GALNT13: variants seen among roughly 807,000 people sequenced by gnomAD.
GALNT13 encodes the protein UDP-GalNAc:polypeptide N-acetylgalactosaminyltransferase 13.
GALNT13 carries 28 observed loss-of-function variants against 64.2 expected under a neutral mutation model. The ratio of observed to expected loss-of-function variants is 0.44; its 90% CI spans 0.32 to 0.60. The LOEUF is 0.60. Among genes scored for constraint, GALNT13 ranks in the 20% least tolerant of loss-of-function variants. GALNT13 has a pLI of 0.05. For missense variants in GALNT13, 577 were observed against 669.8 expected (o/e 0.86, Z 1.53); for synonymous variants, 214 against 224.6 (o/e 0.95, Z 0.42).
rs554278809 is a variant in GALNT13, at chr2:153,936,918, T to C, written c.-104-7476T>C. Among the ~76,000 whole-genome samples the C allele has an allele frequency of 9.2e-5, 14 of 152,068 alleles. No individual in the cohort carries two copies. In the South Asian group the frequency reaches 2.3e-3, roughly 25 times the overall value. On this transcript the variant is annotated intron_variant, in intron 2 of 12. Coordinates refer to ENST00000392825, the MANE Select transcript of GALNT13 (RefSeq NM_052917.4). ...TGTATTTGTAGAGACGGGGTTTCACTGTGTTAGCCAGGATGGTCTCAATCT... is the reference window on the plus strand; with the variant it reads ...TGTATTTGTAGAGACGGGGTTTCACCGTGTTAGCCAGGATGGTCTCAATCT...
At chr2:154,015,022 A>G (rs1222970400) in intron 3 of GALNT13, among the ~76,000 whole-genome samples, 1 of 152,204 alleles carries the variant, frequency 6.6e-6, no homozygotes, top group African/African-American at 2.4e-5. Flanking sequence ...GAATAGAAAA[A>G]TAAAACAAAA....
the GALNT13 span, among the ~76,000 whole-genome samples, chr2:153,549,000 G>A: frequency 1.3e-5 from 2 of 152,254 alleles, no homozygotes; most frequent in African/African-American, 4.8e-5. Flanking sequence ...AGTAAAAGAA[G>A]CCAGACACAA....
At chr2:154,226,369 C>G (rs941693609) in intron 4 of GALNT13, among the ~76,000 whole-genome samples, 15 of 152,176 alleles carry the variant, frequency 9.9e-5, no homozygotes, top group African/African-American at 3.4e-4. Context: ...CTCTTGCATT[C>G]TTGTCAAAAA....
chr2:153,164,876 C>A, the GALNT13 span, among the ~76,000 whole-genome samples: 1 of 152,142 alleles, frequency 6.6e-6, no homozygotes, highest in Non-Finnish European at 1.5e-5. Flanking sequence ...GGTTGCCTGC[C>A]AAGGAGACTG....
At chr2:153,836,486 A>G in the GALNT13 span, among the ~76,000 whole-genome samples, 1 of 151,306 alleles carries the variant, frequency 6.6e-6, no homozygotes, top group Admixed American at 6.6e-5. Context: ...CCATCCCATA[A>G]CCTGGCAACC....
intron 8 of GALNT13, among the ~76,000 whole-genome samples, chr2:154,291,435 A>G (rs1326471949): frequency 2.6e-5 from 4 of 152,106 alleles, no homozygotes; most frequent in Non-Finnish European, 4.4e-5. Flanking sequence ...CTAGACAGAA[A>G]AGTTCTCCAG....
the GALNT13 span, among the ~76,000 whole-genome samples, chr2:153,295,687 C>T: frequency 6.6e-6 from 1 of 152,154 alleles, no homozygotes; most frequent in East Asian, 1.9e-4. Flanking sequence ...AAAGTGTGAT[C>T]TATGGACCAG....
intron 11 of GALNT13, among the ~76,000 whole-genome samples, chr2:154,426,169 C>T (rs1182249802): frequency 2.0e-5 from 3 of 152,154 alleles, no homozygotes; most frequent in Non-Finnish European, 4.4e-5. Flanking sequence ...TGGCAAAGTT[C>T]AGTTCCTTGC....
At chr2:154,175,723 G>C (rs1294763659) in intron 4 of GALNT13, among the ~76,000 whole-genome samples, 1 of 152,050 alleles carries the variant, frequency 6.6e-6, no homozygotes, top group Admixed American at 6.6e-5. Context: ...ATGTGTAGTA[G>C]GGTAATATAT....
chr2:153,978,999 G>A lies in GALNT13; in HGVS notation c.142+34360G>A, dbSNP rs116205827. On this transcript the variant is annotated intron_variant, in intron 3 of 12. Transcript: ENST00000392825. ...AACAATACAGTAATATGCTCCTTAC[G>A]TCATAGGTTTATTACTAGGATTAAA... 7.0e-3 allele frequency among the ~76,000 whole-genome samples: 1,061 copies of A among 152,046 alleles called. 8 individuals carry two copies. Among genetic ancestry groups the A allele is most frequent in the African/African-American group, 0.024 (992 of 41,486 alleles).
At chr2:154,073,318 A>G (rs942889203) in intron 3 of GALNT13, among the ~76,000 whole-genome samples, 1 of 152,000 alleles carries the variant, frequency 6.6e-6, no homozygotes, top group African/African-American at 2.4e-5. Context: ...CTGAAAGAGA[A>G]TCTATGGATG....
the GALNT13 span, among the ~76,000 whole-genome samples, chr2:153,580,366 TA>T: frequency 1.3e-5 from 2 of 151,904 alleles, no homozygotes; most frequent in African/African-American, 2.4e-5. Context: ...AAAGTGATGC[TA>T]AGCCATGTCA....
chr2:153,277,787 A>T, the GALNT13 span, among the ~76,000 whole-genome samples: 1 of 151,880 alleles, frequency 6.6e-6, no homozygotes, highest in Non-Finnish European at 1.5e-5. Flanking sequence ...AGTGATGTTC[A>T]GCAGTTTTTT....
At chr2:153,494,449 A>G in the GALNT13 span, among the ~76,000 whole-genome samples, 2 of 152,130 alleles carry the variant, frequency 1.3e-5, no homozygotes, top group Admixed American at 6.5e-5. Flanking sequence ...GTCTAGAAAT[A>G]AACTTATACA....
Position 153,997,622 on chromosome 2 carries a change from G to A in GALNT13, c.142+52983G>A, listed in dbSNP as rs1032165656. ...CATATAATTATGTCATCTGCAAACA[G>A]GGACAATTTAAGTTCCTTTTTAAAA... is the stretch of plus-strand genomic sequence containing the variant. On this transcript the variant is annotated intron_variant, in intron 3 of 12. Coordinates refer to ENST00000392825, the MANE Select transcript of GALNT13 (RefSeq NM_052917.4). Among the ~76,000 whole-genome samples the A allele has an allele frequency of 2.0e-5, 3 of 152,086 alleles. No homozygotes were observed. In the East Asian group the frequency reaches 5.8e-4, roughly 29 times the overall value.
At chr2:153,456,427 A>T in the GALNT13 span, among the ~76,000 whole-genome samples, 1 of 152,142 alleles carries the variant, frequency 6.6e-6, no homozygotes, top group East Asian at 1.9e-4. Context: ...GGAAATGCTG[A>T]GGTCTGGGTG....
chr2:154,367,454 A>C (rs1340074946), intron 9 of GALNT13, among the ~76,000 whole-genome samples: 4 of 152,218 alleles, frequency 2.6e-5, no homozygotes, highest in Admixed American at 6.5e-5. Context: ...GTCATAAAAC[A>C]TTCCTGAAAA....
Position 154,453,358 on chromosome 2 carries a change from A to G in GALNT13, c.*2807A>G, listed in dbSNP as rs935406310. The G allele has an allele frequency of 2.0e-5, 3 of 152,230 alleles. No individual in the cohort carries two copies. Among genetic ancestry groups the G allele is most frequent in the Non-Finnish European group, 4.4e-5 (3 of 68,168 alleles). The allele number at this position is 152,230 out of a possible 1,614,324, so 9.4% of individuals were successfully genotyped here. ...TCACCACACATACATACACATGCACACACACACACATGCAATTCTACCTTT... is the reference window on the plus strand; with the variant it reads ...TCACCACACATACATACACATGCACGCACACACACATGCAATTCTACCTTT... On this transcript the variant is annotated 3_prime_UTR_variant, in exon 13 of 13. Coordinates refer to ENST00000392825, the MANE Select transcript of GALNT13 (RefSeq NM_052917.4).
intron 3 of GALNT13, among the ~76,000 whole-genome samples, chr2:154,089,619 T>A (rs1701701228): frequency 6.6e-6 from 1 of 152,072 alleles, no homozygotes; most frequent in Non-Finnish European, 1.5e-5. Context: ...AATGGACGGA[T>A]AGGGAGCCCT....
Sources: gnomAD v4.1 joint callset for allele counts (sites outside exome capture counted in the v4.1 genomes callset) on GRCh38, gnomAD v4.1.1 for gene constraint, MANE v1.5 for transcripts, NCBI Gene and HGNC (gene_info 2026-07-23, HGNC 2026-07-21) for gene names.